Variants in CNTN5 observed in about 807,000 individuals in gnomAD.
The protein encoded by CNTN5 is contactin-5.
CNTN5 carries 77 observed loss-of-function variants against 129.1 expected under a neutral mutation model. The ratio of observed to expected loss-of-function variants is 0.60; its 90% CI spans 0.50 to 0.72. The LOEUF (loss-of-function observed/expected upper bound fraction) is 0.72. Among genes scored for constraint, CNTN5 ranks in the 30% least tolerant of loss-of-function variants. CNTN5 has a pLI of 0.00. For missense variants in CNTN5, 1,478 were observed against 1,328.8 expected (o/e 1.11, Z -1.75); for synonymous variants, 509 against 465.6 (o/e 1.09, Z -1.20).
intron 1 of CNTN5, among the ~76,000 whole-genome samples, chr11:99,279,015 A>G (rs1254948897): frequency 6.6e-6 from 1 of 151,760 alleles, no homozygotes; most frequent in Non-Finnish European, 1.5e-5. Flanking sequence ...GAAAATATTG[A>G]CATATTATAA....
intron 1 of CNTN5, among the ~76,000 whole-genome samples, chr11:99,111,284 G>T (rs2135382515): frequency 6.6e-6 from 1 of 152,072 alleles, no homozygotes; most frequent in East Asian, 1.9e-4. Flanking sequence ...TCTATAAGTG[G>T]TGTGTGTTTG....
intron 8 of CNTN5, among the ~76,000 whole-genome samples, chr11:99,972,394 A>T (rs1951288379): frequency 6.6e-6 from 1 of 152,208 alleles, no homozygotes; most frequent in African/African-American, 2.4e-5. Context: ...AAGGTGAATA[A>T]ATCAGCAAGA....
intron 1 of CNTN5, among the ~76,000 whole-genome samples, chr11:99,193,812 G>T (rs1858763866): frequency 6.6e-6 from 1 of 152,092 alleles, no homozygotes; most frequent in South Asian, 2.1e-4. Flanking sequence ...CTACCCTTTG[G>T]AAACAACTTC....
At chr11:99,171,776 T>G (rs1196613057) in intron 1 of CNTN5, among the ~76,000 whole-genome samples, 1 of 152,214 alleles carries the variant, frequency 6.6e-6, no homozygotes, top group East Asian at 1.9e-4. Flanking sequence ...TTATTATTAC[T>G]CTTTCTGTTA....
At chr11:100,294,751 A>G (rs1184610421) in intron 18 of CNTN5, among the ~76,000 whole-genome samples, 2 of 151,814 alleles carry the variant, frequency 1.3e-5, no homozygotes, top group East Asian at 1.9e-4. Flanking sequence ...CAAGAATTAT[A>G]GAACTTTTAC....
At chr11:99,982,026 T>C (rs1938381073) in intron 8 of CNTN5, among the ~76,000 whole-genome samples, 1 of 152,238 alleles carries the variant, frequency 6.6e-6, no homozygotes, top group South Asian at 2.1e-4. Context: ...TGTAATTATA[T>C]ACAGCTAAAC....
At chr11:99,856,980 C>T (rs931186540) in intron 6 of CNTN5, among the ~76,000 whole-genome samples, 10 of 151,840 alleles carry the variant, frequency 6.6e-5, no homozygotes, top group African/African-American at 2.4e-4. Flanking sequence ...CTTCCTCTCC[C>T]TGTTACTCCC....
chr11:100,075,968 A>G (rs1944109630), intron 13 of CNTN5, among the ~76,000 whole-genome samples: 1 of 152,042 alleles, frequency 6.6e-6, no homozygotes, highest in Non-Finnish European at 1.5e-5. Flanking sequence ...ACATCGTACA[A>G]CTTGTTTTAA....
chr11:99,068,329 T>C (rs1865188609), intron 1 of CNTN5, among the ~76,000 whole-genome samples: 1 of 152,194 alleles, frequency 6.6e-6, no homozygotes, highest in African/African-American at 2.4e-5. Flanking sequence ...TCATGGGATA[T>C]AGGATAGGAG....
chr11:100,164,044 C>CT (rs1203494737), intron 13 of CNTN5, among the ~76,000 whole-genome samples: 1 of 151,756 alleles, frequency 6.6e-6, no homozygotes, highest in East Asian at 1.9e-4. Flanking sequence ...TTGAAAGATT[C>CT]TTTAAAAACT....
chr11:100,176,523 T>C (rs1947969074), intron 13 of CNTN5, among the ~76,000 whole-genome samples: 1 of 152,076 alleles, frequency 6.6e-6, no homozygotes, highest in African/African-American at 2.4e-5. Context: ...ATGTAACAAA[T>C]GCTATGATGA....
intron 3 of CNTN5, among the ~76,000 whole-genome samples, chr11:99,608,100 T>A (rs1260350806): frequency 2.7e-5 from 4 of 147,562 alleles, no homozygotes; most frequent in African/African-American, 7.6e-5. Context: ...TAGAGTATAA[T>A]AAAAAAAAAA....
chr11:99,717,723 AT>A (rs1565457219), intron 3 of CNTN5, among the ~76,000 whole-genome samples: 1 of 152,132 alleles, frequency 6.6e-6, no homozygotes, highest in African/African-American at 2.4e-5. Context: ...GAAAAATGTA[AT>A]ACCAAAATCC....
chr11:99,832,018 T>C (rs1170743225), intron 4 of CNTN5, among the ~76,000 whole-genome samples: 3 of 152,116 alleles, frequency 2.0e-5, no homozygotes, highest in Non-Finnish European at 4.4e-5. Flanking sequence ...CTTGTCTCCT[T>C]TGCAAAACTT....
intron 7 of CNTN5, among the ~76,000 whole-genome samples, chr11:99,925,182 G>A (rs1298126233): frequency 6.6e-6 from 1 of 152,090 alleles, no homozygotes; most frequent in African/African-American, 2.4e-5. Context: ...TCCATCAGGG[G>A]GAATACTAGT....
At chr11:99,091,927 T>C (rs1565310613) in intron 1 of CNTN5, among the ~76,000 whole-genome samples, 1 of 152,210 alleles carries the variant, frequency 6.6e-6, no homozygotes, top group Non-Finnish European at 1.5e-5. Flanking sequence ...CATTTCATTT[T>C]CTTCAAGATT....
intron 3 of CNTN5, among the ~76,000 whole-genome samples, chr11:99,581,929 T>G (rs1237007178): frequency 6.6e-6 from 1 of 152,186 alleles, no homozygotes; most frequent in African/African-American, 2.4e-5. Flanking sequence ...CTTGATGGTC[T>G]TTACAATTTG....
intron 9 of CNTN5, among the ~76,000 whole-genome samples, chr11:100,008,865 C>G (rs1940345454): frequency 6.6e-6 from 1 of 152,046 alleles, no homozygotes; most frequent in Admixed American, 6.6e-5. Context: ...ATCATACATT[C>G]AAACCGTGTT....
intron 1 of CNTN5, among the ~76,000 whole-genome samples, chr11:99,095,058 G>A (rs992506372): frequency 6.6e-5 from 10 of 151,602 alleles, no homozygotes; most frequent in African/African-American, 1.5e-4. Flanking sequence ...AGGTATACAC[G>A]TGCCATGGTG....
Sources: allele counts gnomAD v4.1 joint callset (sites outside exome capture counted in the v4.1 genomes callset), GRCh38; gene constraint gnomAD v4.1.1; transcripts MANE v1.5; gene names NCBI Gene and HGNC (gene_info 2026-07-23, HGNC 2026-07-21).